CAST: variants seen among roughly 807,000 people sequenced by gnomAD.
CAST encodes the protein MIR583 host.
CAST carries 76 observed loss-of-function variants against 119.6 expected under a neutral mutation model. That is an observed-to-expected ratio of 0.64 (90% CI 0.53 to 0.77). The LOEUF is 0.77. Ranked by LOEUF, CAST falls within the 30% of genes least tolerant of loss-of-function variation. CAST has a pLI of 0.00. For synonymous variants in CAST, 319 were observed against 331.6 expected, an observed-to-expected ratio of 0.96 and a Z score of 0.41; for missense variants, 953 against 946.5, an observed-to-expected ratio of 1.01 and a Z score of -0.09.
At chr5:96,184,405 G>C in the CAST span, among the ~76,000 whole-genome samples, 1 of 152,084 alleles carries the variant, frequency 6.6e-6, no homozygotes, top group Non-Finnish European at 1.5e-5. Context: ...GTGCTATTTT[G>C]TTATATAGGT....
At chr5:96,537,377 G>T (rs1274325092) in intron 1 of CAST, among the ~76,000 whole-genome samples, 1 of 152,104 alleles carries the variant, frequency 6.6e-6, no homozygotes, top group African/African-American at 2.4e-5. Flanking sequence ...TACCCCTCCT[G>T]CCCCCATTTA....
the CAST span, among the ~76,000 whole-genome samples, chr5:96,454,426 T>C: frequency 6.6e-6 from 1 of 152,222 alleles, no homozygotes; most frequent in African/African-American, 2.4e-5. Flanking sequence ...GAGGTGCTGG[T>C]ATTGACTGGC....
chr5:96,565,076 A>AGG (rs1193349985), intron 1 of CAST, among the ~76,000 whole-genome samples: 1 of 33,736 alleles, frequency 3.0e-5, no homozygotes, highest in South Asian at 1.5e-3. Context: ...CACATGGGAA[A>AGG]GGTGTGTGTG....
At chr5:96,503,091 G>C in the CAST span, among the ~76,000 whole-genome samples, 16 of 152,110 alleles carry the variant, frequency 1.1e-4, no homozygotes, top group Non-Finnish European at 2.9e-5. Context: ...TATATGGAAG[G>C]CCTGCTCCTT....
chr5:96,703,924 G>T (rs1181930408), intron 3 of CAST, among the ~76,000 whole-genome samples: 1 of 152,146 alleles, frequency 6.6e-6, no homozygotes, highest in Non-Finnish European at 1.5e-5. Context: ...TTCGACTTTT[G>T]TGCACTGATT....
intron 1 of CAST, among the ~76,000 whole-genome samples, chr5:96,588,155 C>A (rs1026668819): frequency 4.0e-5 from 6 of 148,954 alleles, no homozygotes; most frequent in African/African-American, 1.5e-4. Context: ...ATGTTATAAG[C>A]CATGTTAAAT....
chr5:96,456,309 C>T, the CAST span, among the ~76,000 whole-genome samples: 1 of 152,108 alleles, frequency 6.6e-6, no homozygotes, highest in Non-Finnish European at 1.5e-5. Context: ...TTGTAGGGGC[C>T]AATATTTAGT....
the CAST span, among the ~76,000 whole-genome samples, chr5:96,262,690 C>G: frequency 1.3e-5 from 2 of 151,994 alleles, no homozygotes; most frequent in Non-Finnish European, 1.5e-5. Flanking sequence ...CCACCACGCC[C>G]GGCTAATTTT....
At chr5:96,159,996 C>G in the CAST span, among the ~76,000 whole-genome samples, 5 of 151,292 alleles carry the variant, frequency 3.3e-5, no homozygotes, top group Non-Finnish European at 7.4e-5. Flanking sequence ...AAAAATTAGC[C>G]GGGCATGGTG....
At chr5:96,026,479 G>T in the CAST span, among the ~76,000 whole-genome samples, 1 of 152,200 alleles carries the variant, frequency 6.6e-6, no homozygotes, top group African/African-American at 2.4e-5. Context: ...CAGGCACTCT[G>T]TCATGAAGCT....
At chr5:96,467,801 C>T in the CAST span, among the ~76,000 whole-genome samples, 1 of 151,728 alleles carries the variant, frequency 6.6e-6, no homozygotes, top group African/African-American at 2.4e-5. Context: ...TAAATTAGTA[C>T]AACCTCTATA....
the CAST span, among the ~76,000 whole-genome samples, chr5:96,132,023 TC>T: frequency 6.6e-6 from 1 of 152,106 alleles, no homozygotes; most frequent in African/African-American, 2.4e-5. Flanking sequence ...TCAAAACTGT[TC>T]AATTTCTTCT....
At chr5:96,479,570 C>T in the CAST span, among the ~76,000 whole-genome samples, 1 of 151,920 alleles carries the variant, frequency 6.6e-6, no homozygotes, top group Non-Finnish European at 1.5e-5. Flanking sequence ...CTGCCTCAAC[C>T]TCCCCAGTAG....
At chr5:96,382,619 A>C in the CAST span, among the ~76,000 whole-genome samples, 207 of 152,372 alleles carry the variant, frequency 1.4e-3, 1 homozygote, top group African/African-American at 4.9e-3. Flanking sequence ...CCATGAGAGC[A>C]GAGGGCATGT....
At chr5:96,260,586 A>G in the CAST span, among the ~76,000 whole-genome samples, 1 of 152,226 alleles carries the variant, frequency 6.6e-6, no homozygotes, top group African/African-American at 2.4e-5. Context: ...ATGGCATCTT[A>G]TGGACTTGTA....
the CAST span, chr5:96,400,142 G>A: frequency 1.2e-6 from 2 of 1,614,168 alleles, no homozygotes; most frequent in Non-Finnish European, 1.7e-6. Context: ...ATACTCAGAG[G>A]TCCAGACAAC....
rs553536743 is a variant in CAST at position 96,686,564 on chromosome 5, G to A, written c.139-9272G>A. ...GGGCTGAGGCAAGGTCCTGATTGGA[G>A]ACTGGGATAGTATCAGTTCTCTTCC... On this transcript the variant is annotated intron_variant, in intron 2 of 31. Coordinates refer to ENST00000675179, the MANE Select transcript of CAST (RefSeq NM_001750.7). Among the ~76,000 whole-genome samples the A allele has an allele frequency of 4.6e-5, 7 of 152,268 alleles. No individual in the cohort carries two copies. In the South Asian group the frequency reaches 1.5e-3, roughly 32 times the overall value.
intron 1 of CAST, among the ~76,000 whole-genome samples, chr5:96,546,734 G>T (rs572010396): frequency 1.3e-5 from 2 of 152,240 alleles, no homozygotes; most frequent in Admixed American, 1.3e-4. Flanking sequence ...CTCAAATCCG[G>T]CATATAATGC....
the CAST span, among the ~76,000 whole-genome samples, chr5:96,489,462 C>T: frequency 6.6e-6 from 1 of 152,176 alleles, no homozygotes; most frequent in Admixed American, 6.5e-5. Context: ...TAATTCTCTA[C>T]ATTTTCAAAA....
Sources: allele counts gnomAD v4.1 joint callset (sites outside exome capture counted in the v4.1 genomes callset), GRCh38; gene constraint gnomAD v4.1.1; transcripts MANE v1.5; gene names NCBI Gene and HGNC (gene_info 2026-07-23, HGNC 2026-07-21).